FGD6: variants seen among roughly 807,000 people sequenced by gnomAD.
FGD6 encodes the protein FYVE, RhoGEF and PH domain containing 6.
In FGD6, 90 loss-of-function variants were observed where a neutral mutation model predicts 149.4. The ratio of observed to expected loss-of-function variants is 0.60; its 90% CI spans 0.51 to 0.72. The LOEUF (loss-of-function observed/expected upper bound fraction) is 0.72. FGD6 is among the 30% of genes least tolerant of loss of function. The pLI is 0.00. For synonymous variants in FGD6, 527 were observed against 584.0 expected, an observed-to-expected ratio of 0.90 and a Z score of 1.41; for missense variants, 1,437 against 1,684.8, an observed-to-expected ratio of 0.85 and a Z score of 2.57.
At chr12:95,119,939 T>TA (rs1397049609) in intron 8 of FGD6, among the ~76,000 whole-genome samples, 4 of 145,740 alleles carry the variant, frequency 2.7e-5, no homozygotes, top group East Asian at 2.0e-4. Flanking sequence ...AAAATAAAAA[T>TA]AAAAAAATAG....
intron 14 of FGD6, 131 bp from the exon 15 acceptor site, chr12:95,094,825 C>CA: frequency 3.0e-6 from 2 of 657,770 alleles, no homozygotes; most frequent in Non-Finnish European, 5.4e-6. Flanking sequence ...AGCAACTCCT[C>CA]AGAGTTGAGG....
intron 17 of FGD6, among the ~76,000 whole-genome samples, chr12:95,090,452 T>G (rs1477770912): frequency 6.6e-6 from 1 of 152,176 alleles, no homozygotes; most frequent in Non-Finnish European, 1.5e-5. Context: ...GAAATTATTA[T>G]AGTTGTCTAG....
intron 4 of FGD6, 35 bp downstream of exon 4, chr12:95,152,890 GA>G (rs755580593): frequency 1.2e-6 from 2 of 1,613,216 alleles, no homozygotes; most frequent in African/African-American, 1.3e-5. Flanking sequence ...CCAATGGGGG[GA>G]AAACAGTCTT....
intron 8 of FGD6, among the ~76,000 whole-genome samples, chr12:95,121,961 T>C (rs1024225273): frequency 2.6e-5 from 4 of 152,178 alleles, no homozygotes; most frequent in Admixed American, 2.6e-4. Flanking sequence ...TAGATTCTTA[T>C]AAACAGTCCA....
chr12:95,163,888 TA>T (rs202051549), intron 3 of FGD6, among the ~76,000 whole-genome samples: 2,196 of 151,704 alleles, frequency 0.014, 52 homozygotes, highest in African/African-American at 0.05. Context: ...AAATATAAAT[TA>T]AAAAAAAATT....
chr12:95,131,865 C>A (rs6538602), intron 8 of FGD6, among the ~76,000 whole-genome samples: 102,660 of 151,854 alleles, frequency 0.68, 34,899 homozygotes, highest in Middle Eastern at 0.71. Flanking sequence ...CACAGCAAAA[C>A]CATATCCCTA....
chr12:95,097,242 A>C (rs1298588307), intron 14 of FGD6, among the ~76,000 whole-genome samples: 2 of 152,124 alleles, frequency 1.3e-5, no homozygotes, highest in African/African-American at 4.8e-5. Flanking sequence ...AAAAACTGTT[A>C]AGTCAAGTAT....
intron 14 of FGD6, among the ~76,000 whole-genome samples, chr12:95,098,787 A>G (rs570770132): frequency 4.6e-5 from 7 of 152,146 alleles, no homozygotes; most frequent in African/African-American, 1.7e-4. Flanking sequence ...TAATCACCAC[A>G]ATACTTAATT....
chr12:95,198,279 T>C (rs1881779707), intron 2 of FGD6, among the ~76,000 whole-genome samples: 1 of 152,202 alleles, frequency 6.6e-6, no homozygotes. Context: ...TCTGTGCCCT[T>C]GAGCAAGTTA....
chr12:95,096,481 C>T (rs887506312), intron 14 of FGD6, among the ~76,000 whole-genome samples: 4 of 152,184 alleles, frequency 2.6e-5, no homozygotes, highest in Non-Finnish European at 5.9e-5. Context: ...ATCTCTTTCT[C>T]TCTAAACCAA....
intron 3 of FGD6, among the ~76,000 whole-genome samples, chr12:95,158,207 G>A (rs1176116031): frequency 7.2e-6 from 1 of 138,102 alleles, no homozygotes; most frequent in Non-Finnish European, 1.5e-5. Context: ...TCTCACTGTT[G>A]GTCAGGCTGG....
At chr12:95,086,781 T>C (rs1877884675) in intron 18 of FGD6, among the ~76,000 whole-genome samples, 1 of 150,910 alleles carries the variant, frequency 6.6e-6, no homozygotes, top group Non-Finnish European at 1.5e-5. Context: ...CTCCCGACCT[T>C]GTGATCCACC....
chr12:95,127,683 C>A (rs537382824), intron 8 of FGD6, among the ~76,000 whole-genome samples: 2 of 152,186 alleles, frequency 1.3e-5, no homozygotes, highest in East Asian at 3.9e-4. Context: ...CATGAGAAAT[C>A]CTAGATTTCT....
At chr12:95,194,945 A>T (rs1881699882) in intron 2 of FGD6, among the ~76,000 whole-genome samples, 1 of 152,120 alleles carries the variant, frequency 6.6e-6, no homozygotes, top group African/African-American at 2.4e-5. Flanking sequence ...CCACATTGCA[A>T]ATTCCTCCTG....
chr12:95,166,429 C>A (rs911352275), intron 3 of FGD6, among the ~76,000 whole-genome samples: 7 of 152,166 alleles, frequency 4.6e-5, no homozygotes, highest in Admixed American at 6.5e-5. Flanking sequence ...ACAATTCAGG[C>A]CAGGTGCAGT....
At chr12:95,098,114 A>T (rs1457356752) in intron 14 of FGD6, among the ~76,000 whole-genome samples, 1 of 152,072 alleles carries the variant, frequency 6.6e-6, no homozygotes, top group Non-Finnish European at 1.5e-5. Flanking sequence ...CTGCCCCTTG[A>T]TGGCTGCATT....
At chr12:95,090,183 A>T (rs757148515) in intron 17 of FGD6, among the ~76,000 whole-genome samples, 30 of 152,084 alleles carry the variant, frequency 2.0e-4, no homozygotes, top group Non-Finnish European at 3.7e-4. Context: ...AGTAAGTAGG[A>T]ATTTGCCAGG....
intron 14 of FGD6, chr12:95,100,606 C>CT (rs1878395024): frequency 2.0e-6 from 1 of 490,770 alleles, no homozygotes; most frequent in Non-Finnish European, 4.0e-6. Context: ...CTGTGGCATT[C>CT]TTTTTTCCCA....
intron 6 of FGD6, among the ~76,000 whole-genome samples, chr12:95,139,945 C>T (rs562621665): frequency 2.6e-5 from 4 of 152,150 alleles, no homozygotes; most frequent in Non-Finnish European, 5.9e-5. Context: ...CCTATCACGA[C>T]CTTTAAAGAC....
Sources: allele counts gnomAD v4.1 joint callset (sites outside exome capture counted in the v4.1 genomes callset), GRCh38; gene constraint gnomAD v4.1.1; transcripts MANE v1.5; gene names NCBI Gene and HGNC (gene_info 2026-07-23, HGNC 2026-07-21).